TTC9: variants seen among roughly 807,000 people sequenced by gnomAD.
TTC9 encodes the protein tetratricopeptide repeat domain 9.
In TTC9, 13 loss-of-function variants were observed where a neutral mutation model predicts 22.9. That is an observed-to-expected ratio of 0.57 (90% confidence interval 0.37 to 0.90). The LOEUF is 0.90. Among genes scored for constraint, TTC9 ranks in the 40% least tolerant of loss-of-function variants. The pLI is 0.01. For missense variants in TTC9, 280 were observed against 291.8 expected (o/e 0.96, Z 0.29); for synonymous variants, 148 against 133.2 (o/e 1.11, Z -0.77).
rs1167414851 is a variant in TTC9, at chr14:70,667,663, G to A, written c.506G>A (p.Arg169Gln). The A allele has an allele frequency of 3.1e-6, 5 of 1,613,804 alleles. No homozygotes were observed. Among genetic ancestry groups the A allele is most frequent in the East Asian group, 2.2e-5 (1 of 44,890 alleles). ...KEGENFKALY[R>Q]SGVAFYHLGD... ...GGGGAGAACTTCAAGGCCCTTTACC[G>A]GTCTGGTGTGGCCTTCTACCACCTT... Residue 169 changes from arginine (R) to glutamine (Q), a missense_variant, in exon 2 of 3, where the codon CGG becomes CAG. Transcript: ENST00000256367.
intron 1 of TTC9, among the ~76,000 whole-genome samples, chr14:70,645,826 T>C (rs546941663): frequency 6.6e-6 from 1 of 152,350 alleles, no homozygotes; most frequent in East Asian, 1.9e-4. Context: ...AAGCTGTGCA[T>C]AGAGAGACAG....
chr14:70,652,932 C>A lies in TTC9; in HGVS notation c.406+10397C>A, dbSNP rs1238203995. On this transcript the variant is annotated intron_variant, in intron 1 of 2. Transcript: ENST00000256367. Reference sequence around the variant, plus strand: ...ACACACAGGAAAAGATAGGAAGCAACCTAGACCTCAGAAAACCTGAGGGGT... The same window carrying A: ...ACACACAGGAAAAGATAGGAAGCAAACTAGACCTCAGAAAACCTGAGGGGT... Among the ~76,000 whole-genome samples the A allele has an allele frequency of 2.6e-5, 4 of 152,276 alleles. No individual in the cohort carries two copies. In the South Asian group the frequency reaches 8.3e-4, roughly 32 times the overall value.
intron 1 of TTC9, among the ~76,000 whole-genome samples, chr14:70,659,536 CAGG>C (rs766322753): frequency 2.6e-5 from 4 of 152,192 alleles, no homozygotes; most frequent in Non-Finnish European, 5.9e-5. Context: ...GCAGCCGCAG[CAGG>C]AGGAGGGGAA....
At chr14:70,671,013 TC>T (rs1886285852) in intron 2 of TTC9, 62 bp from the exon 3 acceptor site, 1 of 1,509,572 alleles carries the variant, frequency 6.6e-7, no homozygotes, top group South Asian at 1.1e-5. Flanking sequence ...CTTTGCTAAT[TC>T]CTTGTAAATG....
chr14:70,646,312 G>A (rs1191657358), intron 1 of TTC9, among the ~76,000 whole-genome samples: 1 of 152,206 alleles, frequency 6.6e-6, no homozygotes, highest in African/African-American at 2.4e-5. Context: ...GGGAGACATA[G>A]GAATCTGATC....
At chr14:70,650,347 T>A (rs1443407047) in intron 1 of TTC9, among the ~76,000 whole-genome samples, 1 of 151,336 alleles carries the variant, frequency 6.6e-6, no homozygotes, top group East Asian at 1.9e-4. Flanking sequence ...CGCTTAAACC[T>A]GGGAGACGGA....
At position 70,642,425 on chromosome 14, in the gene TTC9, G is replaced by C. The variant is rs1161594634; in HGVS notation, c.296G>C (p.Arg99Pro). ...CTGCCGCCCCCCGGGGAACGGGAGCGGGACTCGCGCCCGGCCTCCCCGGCT... is the reference window on the plus strand; with the variant it reads ...CTGCCGCCCCCCGGGGAACGGGAGCCGGACTCGCGCCCGGCCTCCCCGGCT... ...GLLPPPGERE[R>P]DSRPASPAGA... Residue 99 changes from arginine (R) to proline (P), a missense_variant, in exon 1 of 3, where the codon CGG (arginine) becomes CCG (proline). Physicochemically the swap from Arg to Pro is moderately radical, Grantham distance 103. This residue lies in a region of TTC9 where 165 missense variants were observed against 145.4 expected (regional missense o/e 1.14). Coordinates refer to ENST00000256367, the MANE Select transcript of TTC9 (RefSeq NM_015351.2). 4 of 1,585,622 alleles carry C rather than the reference G, an allele frequency of 2.5e-6. No individual in the cohort carries two copies. The highest frequency in any genetic ancestry group is 3.4e-6 in the Non-Finnish European group (4 of 1,167,336).
At chr14:70,657,858 T>G (rs1886088736) in intron 1 of TTC9, among the ~76,000 whole-genome samples, 1 of 152,044 alleles carries the variant, frequency 6.6e-6, no homozygotes, top group South Asian at 2.1e-4. Flanking sequence ...CCCAGCTACT[T>G]GGGAGGCTGA....
At chr14:70,670,123 AC>A (rs1276564978) in intron 2 of TTC9, among the ~76,000 whole-genome samples, 1 of 152,210 alleles carries the variant, frequency 6.6e-6, no homozygotes, top group Non-Finnish European at 1.5e-5. Flanking sequence ...TTTTAGACTT[AC>A]CTATTTTGGG....
At chr14:70,660,482 G>A (rs1886130457) in intron 1 of TTC9, among the ~76,000 whole-genome samples, 1 of 152,218 alleles carries the variant, frequency 6.6e-6, no homozygotes, top group East Asian at 1.9e-4. Context: ...TAAAGAACTA[G>A]TATTTATGAG....
intron 2 of TTC9, among the ~76,000 whole-genome samples, chr14:70,669,869 G>C (rs1886267841): frequency 6.6e-6 from 1 of 152,150 alleles, no homozygotes; most frequent in Non-Finnish European, 1.5e-5. Flanking sequence ...ACTTCCAGAA[G>C]TAACTATTCC....
chr14:70,654,587 C>CAAAAAAAAAAAAAAA lies in TTC9; in HGVS notation c.406+12073_406+12087dup, dbSNP rs61046584. Among the ~76,000 whole-genome samples the CAAAAAAAAAAAAAAA allele has an allele frequency of 1.1e-3, 65 of 57,140 alleles. 1 individual carries two copies. Among genetic ancestry groups the CAAAAAAAAAAAAAAA allele is most frequent in the Non-Finnish European group, 1.3e-3 (41 of 32,162 alleles). The allele number at this position is 57,140 out of a possible 152,430, so 37.5% of individuals were successfully genotyped here. ...CCTGGGCAACAGTAAGGCTCTGTCT[C>CAAAAAAAAAAAAAAA]AAAAAAAAAAAAAAAAAAAAAAAAA... On this transcript the variant is annotated intron_variant, in intron 1 of 2. Transcript: ENST00000256367.
Position 70,649,938 on chromosome 14 carries a change from C to G in TTC9, c.406+7403C>G, listed in dbSNP as rs866433152. Among the ~76,000 whole-genome samples the G allele has an allele frequency of 3.3e-5, 5 of 152,226 alleles. No homozygotes were observed. The South Asian group carries it at 1.0e-3, about 32-fold the overall frequency. On this transcript the variant is annotated intron_variant, in intron 1 of 2. Coordinates refer to ENST00000256367, the MANE Select transcript of TTC9 (RefSeq NM_015351.2). Reference sequence around the variant, plus strand: ...CCTGCCATGTCAGTAGGAAGGTGACCTGAATTTGTATGGACAGTGGGGAGT... The same window carrying G: ...CCTGCCATGTCAGTAGGAAGGTGACGTGAATTTGTATGGACAGTGGGGAGT...
At chr14:70,670,846 C>G (rs1886283811) in intron 2 of TTC9, among the ~76,000 whole-genome samples, 1 of 151,962 alleles carries the variant, frequency 6.6e-6, no homozygotes, top group African/African-American at 2.4e-5. Context: ...CACCCATTCT[C>G]TCTCACATCC....
intron 2 of TTC9, among the ~76,000 whole-genome samples, chr14:70,670,793 C>T (rs1012631836): frequency 2.0e-5 from 3 of 152,118 alleles, no homozygotes; most frequent in African/African-American, 4.8e-5. Flanking sequence ...CACTGGGATA[C>T]GCTGCTGCAT....
intron 1 of TTC9, among the ~76,000 whole-genome samples, chr14:70,653,389 A>T (rs1476156482): frequency 6.6e-6 from 1 of 152,262 alleles, no homozygotes; most frequent in Non-Finnish European, 1.5e-5. Flanking sequence ...AGGAGAGGTG[A>T]GAAGGTATAA....
At chr14:70,668,888 G>T (rs1439451462) in intron 2 of TTC9, among the ~76,000 whole-genome samples, 1 of 150,530 alleles carries the variant, frequency 6.6e-6, no homozygotes, top group Non-Finnish European at 1.5e-5. Flanking sequence ...TGGGCGCGGT[G>T]GCTCATGCCT....
At position 70,665,098 on chromosome 14, in the gene TTC9, T is replaced by C. The variant is rs1343018926; in HGVS notation, c.407-2466T>C. 2.6e-5 allele frequency among the ~76,000 whole-genome samples: 4 copies of C among 152,326 alleles called. No individual in the cohort carries two copies. The East Asian group carries it at 5.8e-4, about 22-fold the overall frequency. ...TTTATGCATTCAAAAACTGTTATTT[T>C]ATTTTATTTTTATTTTTATTTGTTA... On this transcript the variant is annotated intron_variant, in intron 1 of 2. Coordinates refer to ENST00000256367, the MANE Select transcript of TTC9 (RefSeq NM_015351.2).
intron 1 of TTC9, among the ~76,000 whole-genome samples, chr14:70,664,543 T>G (rs1045397719): frequency 6.6e-6 from 1 of 151,984 alleles, no homozygotes; most frequent in East Asian, 1.9e-4. Context: ...CTGACCAATA[T>G]GGTGAAACCC....
Sources: allele counts gnomAD v4.1 joint callset (sites outside exome capture counted in the v4.1 genomes callset), GRCh38; gene constraint gnomAD v4.1.1; regional missense constraint gnomAD v4.1.1; transcripts MANE v1.5; gene names NCBI Gene and HGNC (gene_info 2026-07-23, HGNC 2026-07-21).